The following PDE1C variants were observed in gnomAD, a reference collection of about 807,000 sequenced individuals.
PDE1C encodes the protein phosphodiesterase 1C.
A neutral mutation model predicts 93.1 loss-of-function variants in PDE1C; 62 were observed. The observed-to-expected ratio is 0.67, with a 90% CI of 0.54 to 0.82. The LOEUF (loss-of-function observed/expected upper bound fraction) is 0.82. Ranked by LOEUF, PDE1C falls within the 40% of genes least tolerant of loss-of-function variation. The pLI, the probability that PDE1C is intolerant of heterozygous loss-of-function variation, is 0.00. For synonymous variants in PDE1C, 325 were observed against 310.1 expected (o/e 1.05, Z -0.50); for missense variants, 742 against 884.6 (o/e 0.84, Z 2.04).
intron 2 of PDE1C, among the ~76,000 whole-genome samples, chr7:31,940,440 A>G (rs906619123): frequency 6.6e-6 from 1 of 152,308 alleles, no homozygotes; most frequent in East Asian, 1.9e-4. Flanking sequence ...TTCATGATTC[A>G]TCCTCTTTTA....
intron 1 of PDE1C, among the ~76,000 whole-genome samples, chr7:32,065,176 G>C (rs1267187745): frequency 6.6e-6 from 1 of 152,138 alleles, no homozygotes; most frequent in Non-Finnish European, 1.5e-5. Context: ...TTCTCAATGA[G>C]TGGTGAACAT....
chr7:32,426,166 C>T (rs1249303975), intron 1 of PDE1C, among the ~76,000 whole-genome samples: 1 of 152,022 alleles, frequency 6.6e-6, no homozygotes, highest in Admixed American at 6.6e-5. Flanking sequence ...ATGAATTTTC[C>T]TTGATAATGC....
At chr7:31,633,869 G>C in the PDE1C span, among the ~76,000 whole-genome samples, 148,343 of 152,326 alleles carry the variant, frequency 0.97, 72,255 homozygotes, top group East Asian at 0.99. Flanking sequence ...TATCACACTT[G>C]ACACCCCATC....
intron 2 of PDE1C, among the ~76,000 whole-genome samples, chr7:31,927,107 A>T (rs1803494671): frequency 6.6e-6 from 1 of 152,104 alleles, no homozygotes; most frequent in Admixed American, 6.5e-5. Flanking sequence ...TTGACCTGGG[A>T]CGATTGAGCT....
chr7:31,925,657 A>G (rs1273372007), intron 2 of PDE1C, among the ~76,000 whole-genome samples: 1 of 152,234 alleles, frequency 6.6e-6, no homozygotes, highest in African/African-American at 2.4e-5. Flanking sequence ...AATTTGCATC[A>G]TAATGTTTGC....
chr7:32,206,355 G>C (rs919508410), intron 2 of PDE1C, among the ~76,000 whole-genome samples: 1 of 152,124 alleles, frequency 6.6e-6, no homozygotes, highest in African/African-American at 2.4e-5. Context: ...CAGTCAACCA[G>C]ACACGGCCCA....
At chr7:31,950,990 T>A (rs1807292046) in intron 2 of PDE1C, among the ~76,000 whole-genome samples, 1 of 152,132 alleles carries the variant, frequency 6.6e-6, no homozygotes, top group African/African-American at 2.4e-5. Context: ...TCAAGGCATT[T>A]CTGGGTTGAG....
At chr7:32,149,335 T>A (rs1376163811) in intron 3 of PDE1C, among the ~76,000 whole-genome samples, 3 of 152,076 alleles carry the variant, frequency 2.0e-5, no homozygotes, top group Non-Finnish European at 4.4e-5. Context: ...TGAAGGAGGG[T>A]TGGAACAGTG....
intron 2 of PDE1C, among the ~76,000 whole-genome samples, chr7:31,902,747 T>C (rs545179033): frequency 1.3e-5 from 2 of 151,526 alleles, no homozygotes; most frequent in East Asian, 1.9e-4. Flanking sequence ...TAGCTATCAT[T>C]ATCATTATAA....
At position 32,068,759 on chromosome 7, in the gene PDE1C, G is replaced by A. The variant is rs555761607; in HGVS notation, c.101+1534C>T. 1.7e-3 allele frequency among the ~76,000 whole-genome samples: 264 copies of A among 152,272 alleles called. 1 individual carries two copies. Among genetic ancestry groups the A allele is most frequent in the Non-Finnish European group, 3.5e-3 (235 of 68,026 alleles). ...CCATGGAGTCGGTTTAAATTGAAAA[G>A]CAGTCCAAGAGAAGAAGTTCCTGGG... On this transcript the variant is annotated intron_variant, in intron 1 of 17. Coordinates refer to ENST00000396191, the MANE Select transcript of PDE1C (RefSeq NM_001191057.4).
the PDE1C span, among the ~76,000 whole-genome samples, chr7:31,676,859 A>G: frequency 6.6e-6 from 1 of 152,198 alleles, no homozygotes; most frequent in Non-Finnish European, 1.5e-5. Context: ...AAATAACCTC[A>G]ATCATGGACT....
At chr7:31,772,334 T>G (rs1795544317) in intron 17 of PDE1C, among the ~76,000 whole-genome samples, 1 of 152,142 alleles carries the variant, frequency 6.6e-6, no homozygotes, top group South Asian at 2.1e-4. Context: ...TGGCAGCAGT[T>G]GTTTTAGCCT....
chr7:32,181,669 T>C (rs923530807), intron 2 of PDE1C, among the ~76,000 whole-genome samples: 6 of 151,966 alleles, frequency 3.9e-5, no homozygotes, highest in African/African-American at 1.5e-4. Flanking sequence ...GGGAAATTTA[T>C]AGCACTAAAT....
intron 17 of PDE1C, among the ~76,000 whole-genome samples, chr7:31,765,768 C>A (rs1219719982): frequency 1.3e-5 from 2 of 152,166 alleles, no homozygotes; most frequent in East Asian, 3.9e-4. Flanking sequence ...CCCTCCCACA[C>A]CCCAACAATG....
intron 1 of PDE1C, among the ~76,000 whole-genome samples, chr7:32,354,229 C>T (rs1338676468): frequency 6.6e-6 from 1 of 152,002 alleles, no homozygotes; most frequent in East Asian, 1.9e-4. Flanking sequence ...AGATATTTGG[C>T]CAGTAGTGAT....
intron 3 of PDE1C, among the ~76,000 whole-genome samples, chr7:32,106,474 G>A (rs765469750): frequency 1.3e-5 from 2 of 152,120 alleles, no homozygotes; most frequent in Non-Finnish European, 1.5e-5. Context: ...TGGGAAAGGG[G>A]AGAAACTGAG....
intron 1 of PDE1C, among the ~76,000 whole-genome samples, chr7:32,405,526 T>A (rs1036816854): frequency 6.6e-6 from 1 of 152,148 alleles, no homozygotes; most frequent in Non-Finnish European, 1.5e-5. Context: ...GGATTACAGG[T>A]GTGAGCCACC....
chr7:31,831,783 TGAAGAA>T (rs373109252), intron 11 of PDE1C, among the ~76,000 whole-genome samples: 1 of 149,324 alleles, frequency 6.7e-6, no homozygotes, highest in East Asian at 2.0e-4. Context: ...AAGAAAAAGG[TGAAGAA>T]GAAGAAGAGG....
chr7:31,878,091 A>G (rs746407007), intron 4 of PDE1C, 55 bp from the exon 5 acceptor site: 36 of 1,248,962 alleles, frequency 2.9e-5, no homozygotes, highest in Non-Finnish European at 4.0e-5. Flanking sequence ...TAGGATTTGT[A>G]ATCCACAGAC....
Sources: allele counts gnomAD v4.1 joint callset (sites outside exome capture counted in the v4.1 genomes callset), GRCh38; gene constraint gnomAD v4.1.1; transcripts MANE v1.5; gene names NCBI Gene and HGNC (gene_info 2026-07-23, HGNC 2026-07-21).